The following ARL10 variants were observed in gnomAD, a reference collection of about 807,000 sequenced individuals.
ARL10 encodes the protein ADP-ribosylation factor-like protein 10.
ARL10 carries 23 observed loss-of-function variants against 26.1 expected under a neutral mutation model. The observed-to-expected ratio is 0.88, with a 90% CI of 0.63 to 1.25. The LOEUF (loss-of-function observed/expected upper bound fraction) is 1.25, where lower values mean the gene tolerates loss of function less well. ARL10 is among the 50% of genes most tolerant of loss of function. ARL10 has a pLI of 0.00. For missense variants in ARL10, 300 were observed against 323.6 expected, an observed-to-expected ratio of 0.93 and a Z score of 0.56; for synonymous variants, 138 against 149.1, an observed-to-expected ratio of 0.93 and a Z score of 0.54.
rs979473025 is a variant in ARL10, at chr5:176,376,591, C to G, written c.*4696C>G. On this transcript the variant is annotated 3_prime_UTR_variant, in exon 4 of 4. Coordinates refer to ENST00000310389, the MANE Select transcript of ARL10 (RefSeq NM_173664.6). Reference sequence around the variant, plus strand: ...CCCATAAAGAAAGGGAAAGGATTTGCGGACAGAAAATAGGAAAGAGAGGGA... The same window carrying G: ...CCCATAAAGAAAGGGAAAGGATTTGGGGACAGAAAATAGGAAAGAGAGGGA... The G allele has an allele frequency of 6.6e-6, 1 of 152,264 alleles. No homozygotes were observed. The highest frequency in any genetic ancestry group is 3.4e-3 in the Middle Eastern group (1 of 292). The allele number at this position is 152,264 out of a possible 1,614,324, so 9.4% of individuals were successfully genotyped here. A position where few individuals can be genotyped will look rare whatever the true frequency, so the allele number is the denominator to read the frequency against.
intron 1 of ARL10, chr5:176,397,801 G>T: frequency 6.6e-7 from 1 of 1,510,150 alleles, no homozygotes; most frequent in Non-Finnish European, 9.2e-7. Flanking sequence ...GCCCCTGCCA[G>T]GCAGCCACAG....
chr5:176,412,623 T>C, the ARL10 span, among the ~76,000 whole-genome samples: 2 of 152,148 alleles, frequency 1.3e-5, no homozygotes, highest in African/African-American at 4.8e-5. Context: ...CGACAGTGTG[T>C]TTGGCCTGGG....
chr5:176,401,277 G>A (rs1407644130), intron 1 of ARL10, among the ~76,000 whole-genome samples: 1 of 152,206 alleles, frequency 6.6e-6, no homozygotes, highest in Non-Finnish European at 1.5e-5. Context: ...TTATCCAGGT[G>A]CCCTATTTTA....
At chr5:176,388,897 C>T, downstream of ARL10, 2 of 1,614,190 alleles carry the variant, frequency 1.2e-6, no homozygotes, top group South Asian at 1.1e-5. Context: ...GGCTGAGCCC[C>T]ACTGTTTACA....
chr5:176,408,876 G>C, the ARL10 span, among the ~76,000 whole-genome samples: 1 of 152,242 alleles, frequency 6.6e-6, no homozygotes, highest in African/African-American at 2.4e-5. Context: ...AAACAACCCA[G>C]TGAAAGTGAA....
chr5:176,409,944 G>A, the ARL10 span, among the ~76,000 whole-genome samples: 1 of 152,214 alleles, frequency 6.6e-6, no homozygotes, highest in East Asian at 1.9e-4. Flanking sequence ...CGTCAGTGGT[G>A]AGGGAAGGCC....
chr5:176,401,530 C>T (rs555004812), intron 1 of ARL10, among the ~76,000 whole-genome samples: 119 of 152,306 alleles, frequency 7.8e-4, no homozygotes, highest in African/African-American at 2.7e-3. Context: ...AAAGGCACCA[C>T]AGTGCCCTTG....
chr5:176,412,939 C>T, the ARL10 span, among the ~76,000 whole-genome samples: 16 of 152,110 alleles, frequency 1.1e-4, no homozygotes, highest in African/African-American at 3.9e-4. Context: ...TTGGCCTTCT[C>T]GAGAATTTGC....
At chr5:176,369,149 C>T in intron 3 of ARL10, 167 bp downstream of exon 3, 3 of 1,534,874 alleles carry the variant, frequency 2.0e-6, no homozygotes, top group Non-Finnish European at 2.6e-6. Context: ...GTCTTCCTTC[C>T]TCTTTGCCTC....
chr5:176,371,654 G>A, intron 3 of ARL10, 68 bp from the exon 4 acceptor site: 1 of 1,391,278 alleles, frequency 7.2e-7, no homozygotes, highest in Non-Finnish European at 1.0e-6. Flanking sequence ...TGTGTTTCAT[G>A]AACGACAAGG....
At chr5:176,395,734 A>G (rs1053733659) in intron 1 of ARL10, among the ~76,000 whole-genome samples, 1 of 152,178 alleles carries the variant, frequency 6.6e-6, no homozygotes, top group Non-Finnish European at 1.5e-5. Context: ...GCTGATGGCC[A>G]AAGTCAGTGC....
downstream of ARL10, chr5:176,388,714 C>A: frequency 6.7e-7 from 1 of 1,481,784 alleles, no homozygotes; most frequent in South Asian, 1.3e-5. Flanking sequence ...CGAGCATTTG[C>A]GCCTGCGTAC....
In ARL10 at chr5:176,372,150, G is replaced by A; in HGVS notation, c.*255G>A. 7.9e-7 allele frequency: 1 copy of A among 1,267,930 alleles called. No homozygotes were observed. The highest frequency in any genetic ancestry group is 1.0e-6 in the Non-Finnish European group (1 of 972,456). The allele number at this position is 1,267,930 out of a possible 1,614,324, so 78.5% of individuals were successfully genotyped here. A position where few individuals can be genotyped will look rare whatever the true frequency, so the allele number is the denominator to read the frequency against. ...ATAGTGTCTGGCTCATTCCAGGCTG[G>A]AATGTGGATCCAGCTTTCCCTTCTC... is the stretch of plus-strand genomic sequence containing the variant. On this transcript the variant is annotated 3_prime_UTR_variant, in exon 4 of 4. Coordinates refer to ENST00000310389, the MANE Select transcript of ARL10 (RefSeq NM_173664.6).
downstream of ARL10, chr5:176,406,531 G>C: frequency 7.9e-7 from 1 of 1,259,664 alleles, no homozygotes; most frequent in Non-Finnish European, 1.0e-6. Context: ...GGAGGATGAT[G>C]GGAGTATTAG....
downstream of ARL10, chr5:176,406,735 A>G: frequency 2.4e-6 from 3 of 1,276,466 alleles, no homozygotes; most frequent in African/African-American, 3.0e-5. Flanking sequence ...GAAAGGAAGC[A>G]CAAAAGCTCT....
At chr5:176,396,001 T>A (rs111255225) in intron 1 of ARL10, among the ~76,000 whole-genome samples, 2 of 152,018 alleles carry the variant, frequency 1.3e-5, no homozygotes, top group Non-Finnish European at 2.9e-5. Flanking sequence ...CGGGCACGGT[T>A]GCATGTGCCT....
Position 176,368,976 on chromosome 5 carries a change from C to T in ARL10, c.555C>T (p.Asn185=). The part of the protein sequence containing the change: ...DPDLPVVVVA[N]KQDLSEAMSM... ...ACCTGCCTGTCGTCGTGGTGGCCAA[C>T]AAGCAGGTGAGGGCTGTGAGAGGGC... The change falls in exon 3 of 4, where the codon AAC becomes AAT. Residue 185 remains asparagine (N), a synonymous_variant. Transcript: ENST00000310389. This position sits in a 1 kb window ranked among gnomAD's most constrained non-coding sequence, Gnocchi z 4.1. 6.2e-7 allele frequency: 1 copy of T among 1,613,884 alleles called. No individual in the cohort carries two copies. The highest frequency in any genetic ancestry group is 8.5e-7 in the Non-Finnish European group (1 of 1,179,986).
chr5:176,390,786 AG>A (rs1438943792), downstream of ARL10, among the ~76,000 whole-genome samples: 2 of 152,174 alleles, frequency 1.3e-5, no homozygotes, highest in Non-Finnish European at 2.9e-5. Flanking sequence ...AAGAGGAAAC[AG>A]GCTCAGAGAA....
downstream of ARL10, chr5:176,383,978 T>C: frequency 6.5e-7 from 1 of 1,531,644 alleles, no homozygotes; most frequent in Non-Finnish European, 8.7e-7. Context: ...GTACACACTA[T>C]ATTTACATCA....
Sources: gnomAD v4.1 joint callset for allele counts (sites outside exome capture counted in the v4.1 genomes callset) on GRCh38, gnomAD v4.1.1 for gene constraint, Gnocchi (gnomAD v3.1) non-coding constraint, MANE v1.5 for transcripts, NCBI Gene and HGNC (gene_info 2026-07-23, HGNC 2026-07-21) for gene names.